The following ZDHHC24 variants were observed in gnomAD, a reference collection of about 807,000 sequenced individuals.
ZDHHC24 encodes the protein probable palmitoyltransferase ZDHHC24.
Under a neutral mutation model 23.2 loss-of-function variants are expected in ZDHHC24, and 17 were observed. That is an observed-to-expected ratio of 0.73 (90% CI 0.50 to 1.10). ZDHHC24 has a LOEUF of 1.10. ZDHHC24 is among the 50% of genes least tolerant of loss of function. ZDHHC24 has a pLI of 0.00. For synonymous variants in ZDHHC24, 186 were observed against 194.5 expected, an observed-to-expected ratio of 0.96 and a Z score of 0.36; for missense variants, 366 against 393.0, an observed-to-expected ratio of 0.93 and a Z score of 0.58.
At chr11:66,533,212 G>A (rs1856852334), downstream of ZDHHC24, 1 of 152,194 alleles carries the variant, frequency 6.6e-6, no homozygotes, top group African/African-American at 2.4e-5. Flanking sequence ...GAGAAATTGT[G>A]AACATTAAGG....
intron 2 of ZDHHC24, chr11:66,530,087 C>G: frequency 7.8e-7 from 1 of 1,287,510 alleles, no homozygotes; most frequent in Non-Finnish European, 1.1e-6. Flanking sequence ...CACCTTCCCG[C>G]AGACCTGGGG....
Sources: gnomAD v4.1 joint callset for allele counts on GRCh38, gnomAD v4.1.1 for gene constraint, MANE v1.5 for transcripts, NCBI Gene and HGNC (gene_info 2026-07-23, HGNC 2026-07-21) for gene names.